Variants in ADARB2 observed in about 807,000 individuals in gnomAD.
ADARB2 encodes inactive double-stranded RNA-specific editase B2.
Under a neutral mutation model 62.2 loss-of-function variants are expected in ADARB2, and 25 were observed. The ratio of observed to expected loss-of-function variants is 0.40; its 90% CI spans 0.29 to 0.56. The LOEUF (loss-of-function observed/expected upper bound fraction) is 0.56. ADARB2 is among the 20% of genes least tolerant of loss of function. ADARB2 has a pLI of 0.43. For missense variants in ADARB2, 1,071 were observed against 1,077.4 expected (o/e 0.99, Z 0.08); for synonymous variants, 572 against 500.8 (o/e 1.14, Z -1.90).
At chr10:1,709,332 A>G (rs1342266005) in intron 1 of ADARB2, among the ~76,000 whole-genome samples, 1 of 152,230 alleles carries the variant, frequency 6.6e-6, no homozygotes, top group Non-Finnish European at 1.5e-5. Flanking sequence ...TTAGTCTTGT[A>G]AAACTGTAGT....
intron 3 of ADARB2, among the ~76,000 whole-genome samples, chr10:1,295,747 A>AATGGTTTTATTTTATTCTTTC: frequency 6.6e-6 from 1 of 152,342 alleles, no homozygotes; most frequent in South Asian, 2.1e-4. Flanking sequence ...AATAATGATA[A>AATGGTTTTATTTTATTCTTTC]ATGGTTTTAT....
chr10:1,534,470 C>T (rs891476137), intron 1 of ADARB2: 1 of 152,318 alleles, frequency 6.6e-6, no homozygotes, highest in African/African-American at 2.4e-5. Flanking sequence ...CAGAAGAACC[C>T]GGAGGCTTTC....
chr10:1,584,917 A>G (rs36024156), intron 1 of ADARB2, among the ~76,000 whole-genome samples: 29,378 of 152,104 alleles, frequency 0.19, 3,243 homozygotes, highest in East Asian at 0.39. Flanking sequence ...TTTGCAGACA[A>G]TGAAAAGATC....
intron 3 of ADARB2, among the ~76,000 whole-genome samples, chr10:1,338,880 C>T (rs560409160): frequency 6.6e-6 from 1 of 152,260 alleles, no homozygotes; most frequent in South Asian, 2.1e-4. Flanking sequence ...TGGCTGTGAG[C>T]TCACTCACCC....
chr10:1,505,101 GCA>G (rs1165731379), intron 1 of ADARB2, among the ~76,000 whole-genome samples: 6 of 148,214 alleles, frequency 4.0e-5, no homozygotes, highest in South Asian at 4.5e-4. Context: ...ACACACACAT[GCA>G]CACACAGACA....
intron 1 of ADARB2, among the ~76,000 whole-genome samples, chr10:1,711,898 C>T (rs1360468303): frequency 2.0e-5 from 3 of 152,134 alleles, no homozygotes; most frequent in Non-Finnish European, 2.9e-5. Context: ...TTTCATACAA[C>T]TCTGAACCAT....
chr10:1,513,492 T>G (rs1290904534), intron 1 of ADARB2, among the ~76,000 whole-genome samples: 1 of 151,894 alleles, frequency 6.6e-6, no homozygotes, highest in Non-Finnish European at 1.5e-5. Flanking sequence ...CTGTGTGGAG[T>G]TCATGGCTCT....
At chr10:1,694,082 T>G (rs574477461) in intron 1 of ADARB2, among the ~76,000 whole-genome samples, 1 of 152,368 alleles carries the variant, frequency 6.6e-6, no homozygotes, top group African/African-American at 2.4e-5. Context: ...TCTGATGTTA[T>G]GTATCTTGTT....
chr10:1,680,605 G>T (rs1834524248), intron 1 of ADARB2, among the ~76,000 whole-genome samples: 1 of 152,132 alleles, frequency 6.6e-6, no homozygotes, highest in South Asian at 2.1e-4. Flanking sequence ...CCAAGAACAG[G>T]GCATCCACTG....
At chr10:1,345,794 C>T (rs1478100156) in intron 3 of ADARB2, among the ~76,000 whole-genome samples, 1 of 152,168 alleles carries the variant, frequency 6.6e-6, no homozygotes, top group Non-Finnish European at 1.5e-5. Flanking sequence ...CATTGAAATC[C>T]AGAACAACTT....
At position 1,533,834 on chromosome 10, in the gene ADARB2, C is replaced by T. The variant is rs370934403; in HGVS notation, c.101-154674G>A. On this transcript the variant is annotated intron_variant, in intron 1 of 9. Transcript: ENST00000381312. ...AGCACCCACCCTCCCCCTCTGTCAG[C>T]GGACGGGACCCTCATGGCCCCAAGG... 1.3e-3 allele frequency among the ~76,000 whole-genome samples: 196 copies of T among 152,286 alleles called. 1 individual carries two copies. The highest frequency in any genetic ancestry group is 4.5e-3 in the African/African-American group (188 of 41,556).
At chr10:1,671,172 C>T (rs1834379497) in intron 1 of ADARB2, among the ~76,000 whole-genome samples, 1 of 152,178 alleles carries the variant, frequency 6.6e-6, no homozygotes, top group African/African-American at 2.4e-5. Context: ...GGGACCCAGA[C>T]GGGGAGAGGG....
rs1429211489 is a variant in ADARB2, at chr10:1,261,538, C to T, written c.1192+9417G>A. Among the ~76,000 whole-genome samples the T allele has an allele frequency of 2.0e-5, 3 of 150,354 alleles. No individual in the cohort carries two copies. The East Asian group carries it at 5.8e-4, about 29-fold the overall frequency. ...AGAAGACATTTATGCAGCCAAAAGA[C>T]ACATGAAAAAATGCTCATTATCACT... is the stretch of plus-strand genomic sequence containing the variant. On this transcript the variant is annotated intron_variant, in intron 4 of 9. Coordinates refer to ENST00000381312, the MANE Select transcript of ADARB2 (RefSeq NM_018702.4).
chr10:1,652,491 C>T (rs1834123496), intron 1 of ADARB2, among the ~76,000 whole-genome samples: 1 of 152,212 alleles, frequency 6.6e-6, no homozygotes, highest in Non-Finnish European at 1.5e-5. Context: ...CTACCACTGA[C>T]ATCTGCTCTT....
At chr10:1,374,407 T>A (rs1403444555) in intron 2 of ADARB2, among the ~76,000 whole-genome samples, 4 of 152,150 alleles carry the variant, frequency 2.6e-5, no homozygotes, top group Non-Finnish European at 5.9e-5. Context: ...GTGTCCGGAA[T>A]GTGGTGCTAA....
chr10:1,417,649 A>G (rs1432985699), intron 1 of ADARB2, among the ~76,000 whole-genome samples: 1 of 152,176 alleles, frequency 6.6e-6, no homozygotes, highest in East Asian at 1.9e-4. Flanking sequence ...TGGGTTCTGT[A>G]TTGGTGGCTG....
At chr10:1,524,008 C>T (rs994585514) in intron 1 of ADARB2, among the ~76,000 whole-genome samples, 2 of 151,944 alleles carry the variant, frequency 1.3e-5, no homozygotes, top group African/African-American at 4.8e-5. Context: ...TTAAGCATTT[C>T]ATTAATTTAT....
chr10:1,205,811 G>A (rs1003434287), intron 7 of ADARB2, among the ~76,000 whole-genome samples: 7 of 152,250 alleles, frequency 4.6e-5, no homozygotes, highest in Non-Finnish European at 8.8e-5. Flanking sequence ...AGACTGGGTA[G>A]ATGCCATCCT....
At chr10:1,646,456 T>A (rs1180196766) in intron 1 of ADARB2, among the ~76,000 whole-genome samples, 1 of 152,160 alleles carries the variant, frequency 6.6e-6, no homozygotes, top group African/African-American at 2.4e-5. Context: ...AAATCAGACA[T>A]TGAAAGAAAA....
Sources: gnomAD v4.1 joint callset for allele counts (sites outside exome capture counted in the v4.1 genomes callset) on GRCh38, gnomAD v4.1.1 for gene constraint, MANE v1.5 for transcripts, NCBI Gene and HGNC (gene_info 2026-07-23, HGNC 2026-07-21) for gene names.